The following SLC24A4 variants were observed in gnomAD, a reference collection of about 807,000 sequenced individuals.
SLC24A4 encodes the protein sodium/potassium/calcium exchanger 4.
In SLC24A4, 53 loss-of-function variants were observed where a neutral mutation model predicts 79.0. That is an observed-to-expected ratio of 0.67 (90% CI 0.54 to 0.84). The LOEUF (loss-of-function observed/expected upper bound fraction) is 0.84. Among genes scored for constraint, SLC24A4 ranks in the 40% least tolerant of loss-of-function variants. The probability of loss-of-function intolerance (pLI) is 0.00; values close to 1 mark genes in which losing one functional copy is unlikely to be tolerated. For synonymous variants in SLC24A4, 323 were observed against 323.8 expected, an observed-to-expected ratio of 1.00 and a Z score of 0.03; for missense variants, 731 against 822.0, an observed-to-expected ratio of 0.89 and a Z score of 1.35.
chr14:92,372,923 TTCTC>T (rs147768733), intron 2 of SLC24A4, among the ~76,000 whole-genome samples: 14,919 of 122,598 alleles, frequency 0.12, 1,914 homozygotes, highest in South Asian at 0.19. Context: ...CTTCCTTTCT[TTCTC>T]TTTCTTTCTT....
chr14:92,327,318 T>C, intron 2 of SLC24A4, among the ~76,000 whole-genome samples: 1 of 152,170 alleles, frequency 6.6e-6, no homozygotes, highest in East Asian at 1.9e-4. Context: ...CCTGGGTGGT[T>C]CCTCCTGTCC....
Position 92,324,444 on chromosome 14 carries a change from C to T in SLC24A4, c.130+484C>T, listed in dbSNP as rs142439653. On this transcript the variant is annotated intron_variant, in intron 1 of 16. Transcript: ENST00000532405. ...TTCCCAAACCCTAAAGGCGTTGGGG[C>T]AGTCTGCCGCGGGGGGTAGCTGCCA... 5.6e-3 allele frequency among the ~76,000 whole-genome samples: 857 copies of T among 152,334 alleles called. 4 individuals are homozygous for T. The highest frequency in any genetic ancestry group is 0.017 in the Middle Eastern group (5 of 294).
chr14:92,444,541 T>C (rs1208861017), intron 7 of SLC24A4, among the ~76,000 whole-genome samples: 1 of 152,218 alleles, frequency 6.6e-6, no homozygotes, highest in Non-Finnish European at 1.5e-5. Context: ...TAAAACGATG[T>C]AAAAACTCTT....
chr14:92,459,328 C>A (rs1462457716), intron 12 of SLC24A4, among the ~76,000 whole-genome samples: 2 of 152,206 alleles, frequency 1.3e-5, no homozygotes, highest in African/African-American at 4.8e-5. Context: ...CTGGACAGGT[C>A]ACTTCCCAGG....
At position 92,453,880 on chromosome 14, in the gene SLC24A4, C is replaced by T. The variant is rs1354890773; in HGVS notation, c.881-20C>T. Reference sequence around the variant, plus strand: ...TGTCCTCAGAGAGATCAGCACTAATCACGGTGTTGCGCTCAACAGTGAAGG... The same window carrying T: ...TGTCCTCAGAGAGATCAGCACTAATTACGGTGTTGCGCTCAACAGTGAAGG... On this transcript the variant is annotated intron_variant, in intron 10 of 16. Transcript: ENST00000532405. 1.3e-6 allele frequency: 2 copies of T among 1,596,572 alleles called. No homozygotes were observed. The highest frequency in any genetic ancestry group is 8.5e-7 in the Non-Finnish European group (1 of 1,172,150).
chr14:92,364,272 A>G (rs1887698938), intron 2 of SLC24A4, among the ~76,000 whole-genome samples: 1 of 152,120 alleles, frequency 6.6e-6, no homozygotes, highest in Non-Finnish European at 1.5e-5. Flanking sequence ...GCAAACCTTT[A>G]TAGAATGGTT....
intron 2 of SLC24A4, among the ~76,000 whole-genome samples, chr14:92,348,917 G>T (rs1407042671): frequency 6.6e-6 from 1 of 152,102 alleles, no homozygotes; most frequent in Non-Finnish European, 1.5e-5. Flanking sequence ...AAACTCAGGA[G>T]GGAAACTCCA....
chr14:92,363,347 C>T (rs954042832), intron 2 of SLC24A4, among the ~76,000 whole-genome samples: 2 of 152,244 alleles, frequency 1.3e-5, no homozygotes, highest in African/African-American at 4.8e-5. Context: ...ACCCCCATGC[C>T]GTCCCAGGCC....
intron 2 of SLC24A4, among the ~76,000 whole-genome samples, chr14:92,379,916 A>C (rs959417700): frequency 2.0e-5 from 3 of 150,552 alleles, no homozygotes; most frequent in Non-Finnish European, 3.0e-5. Flanking sequence ...TCCCCTCTCC[A>C]CCCTCACCTG....
intron 2 of SLC24A4, among the ~76,000 whole-genome samples, chr14:92,342,000 T>C (rs1057065188): frequency 6.6e-6 from 1 of 152,112 alleles, no homozygotes; most frequent in African/African-American, 2.4e-5. Flanking sequence ...CTTGTGGGCT[T>C]TGGGTGACCC....
intron 3 of SLC24A4, among the ~76,000 whole-genome samples, chr14:92,436,709 G>A (rs1892194430): frequency 6.6e-6 from 1 of 152,204 alleles, no homozygotes; most frequent in Admixed American, 6.5e-5. Flanking sequence ...TGACCCAGGA[G>A]ATGGAAATCG....
intron 8 of SLC24A4, among the ~76,000 whole-genome samples, chr14:92,445,879 A>G (rs1309816535): frequency 6.6e-6 from 1 of 152,234 alleles, no homozygotes; most frequent in Non-Finnish European, 1.5e-5. Context: ...TCTTTAAGAC[A>G]CTGAGGTAGG....
intron 3 of SLC24A4, among the ~76,000 whole-genome samples, chr14:92,434,979 G>C (rs1892086627): frequency 6.6e-6 from 1 of 152,062 alleles, no homozygotes. Flanking sequence ...TAACCATGTT[G>C]GCCAGGCTGG....
intron 13 of SLC24A4, among the ~76,000 whole-genome samples, chr14:92,485,899 C>G (rs574081212): frequency 6.6e-6 from 1 of 152,308 alleles, no homozygotes; most frequent in East Asian, 1.9e-4. Flanking sequence ...CTGGGGCACT[C>G]TTACCTATGG....
intron 2 of SLC24A4, among the ~76,000 whole-genome samples, chr14:92,421,565 TG>T (rs1261798023): frequency 1.3e-5 from 2 of 152,146 alleles, no homozygotes; most frequent in African/African-American, 4.8e-5. Context: ...TGGAGTGCAG[TG>T]GCGTGATATT....
At chr14:92,386,580 T>C (rs1889170628) in intron 2 of SLC24A4, among the ~76,000 whole-genome samples, 1 of 152,182 alleles carries the variant, frequency 6.6e-6, no homozygotes. Flanking sequence ...AATGATAAAC[T>C]GTACCTGCTA....
intron 2 of SLC24A4, among the ~76,000 whole-genome samples, chr14:92,402,529 G>A (rs10162587): frequency 0.22 from 34,096 of 152,018 alleles, 4,003 homozygotes; most frequent in Non-Finnish European, 0.24. Context: ...ATGAGTTAGA[G>A]TAACCATTCT....
At chr14:92,381,966 A>C (rs1280123316) in intron 2 of SLC24A4, among the ~76,000 whole-genome samples, 2 of 152,228 alleles carry the variant, frequency 1.3e-5, no homozygotes, top group Admixed American at 6.5e-5. Flanking sequence ...AACCTAAGAT[A>C]GGTTATTTTA....
intron 11 of SLC24A4, among the ~76,000 whole-genome samples, chr14:92,455,100 C>CT (rs1360987041): frequency 6.6e-6 from 1 of 152,126 alleles, no homozygotes; most frequent in African/African-American, 2.4e-5. Flanking sequence ...ACTGGGAAGA[C>CT]TTTATCTTCC....
Sources: gnomAD v4.1 joint callset for allele counts (sites outside exome capture counted in the v4.1 genomes callset) on GRCh38, gnomAD v4.1.1 for gene constraint, MANE v1.5 for transcripts, NCBI Gene and HGNC (gene_info 2026-07-23, HGNC 2026-07-21) for gene names.